The following GLRA2 variants were observed in gnomAD, a reference collection of about 807,000 sequenced individuals.
GLRA2 encodes the protein glycine receptor alpha 2, also known as glycine receptor subunit alpha-2.
Under a neutral mutation model 31.6 loss-of-function variants are expected in GLRA2, and 11 were observed. The ratio of observed to expected loss-of-function variants is 0.35; its 90% confidence interval spans 0.22 to 0.58. The LOEUF is 0.58. GLRA2 is among the 20% of genes least tolerant of loss of function. The pLI is 0.84. For synonymous variants in GLRA2, 132 were observed against 134.0 expected, an observed-to-expected ratio of 0.99 and a Z score of 0.10; for missense variants, 212 against 351.8, an observed-to-expected ratio of 0.60 and a Z score of 3.18.
chrX:14,515,382 G>A, the GLRA2 span, among the ~76,000 whole-genome samples: 1 of 111,594 alleles, frequency 9.0e-6, no homozygotes, highest in Non-Finnish European at 1.9e-5. Flanking sequence ...GAATTTCATT[G>A]GAATTCCTAA....
intron 5 of GLRA2, 62 bp from the exon 6 acceptor site, chrX:14,607,069 G>C: frequency 1.2e-6 from 1 of 841,563 alleles, no homozygotes; most frequent in Non-Finnish European, 1.7e-6. Flanking sequence ...CTTTACATGG[G>C]TAGACTTTCA....
chrX:14,534,112 C>T (rs2089292487), intron 2 of GLRA2, among the ~76,000 whole-genome samples: 1 of 110,684 alleles, frequency 9.0e-6, no homozygotes, highest in South Asian at 3.8e-4. Flanking sequence ...CCAATTTTTT[C>T]CTGGTTCTTC....
the GLRA2 span, among the ~76,000 whole-genome samples, chrX:14,476,600 A>G: frequency 9.0e-6 from 1 of 111,577 alleles, no homozygotes; most frequent in Admixed American, 9.6e-5. Flanking sequence ...TCTTCCTCCA[A>G]AGGTCTGCTA....
chrX:14,501,072 T>TTA, the GLRA2 span, among the ~76,000 whole-genome samples: 1 of 89,481 alleles, frequency 1.1e-5, no homozygotes, highest in Non-Finnish European at 2.2e-5. Context: ...GAAAAAGTAG[T>TTA]AAAAAAAAAA....
At chrX:14,686,714 C>A (rs1202261880) in intron 7 of GLRA2, among the ~76,000 whole-genome samples, 1 of 111,578 alleles carries the variant, frequency 9.0e-6, no homozygotes, top group Non-Finnish European at 1.9e-5. Flanking sequence ...TGTGTCTCTG[C>A]ATGTGAGATG....
chrX:14,603,731 C>A (rs1174082323), intron 4 of GLRA2, among the ~76,000 whole-genome samples: 1 of 111,643 alleles, frequency 9.0e-6, no homozygotes, highest in Non-Finnish European at 1.9e-5. Context: ...ATGGGTTTTT[C>A]TAGCTCAAGA....
At chrX:14,611,839 T>C (rs2090401078) in intron 7 of GLRA2, among the ~76,000 whole-genome samples, 1 of 111,926 alleles carries the variant, frequency 8.9e-6, no homozygotes, top group Admixed American at 9.5e-5. Flanking sequence ...TGTTCTCCCA[T>C]GTGAGGCCAT....
intron 3 of GLRA2, among the ~76,000 whole-genome samples, chrX:14,575,458 C>A (rs5935777): frequency 0.4 from 43,307 of 109,359 alleles, 7,894 homozygotes; most frequent in African/African-American, 0.7. Flanking sequence ...CCTCGGCCTA[C>A]CAAAGTGCTG....
At chrX:14,643,597 A>G (rs1316196645) in intron 7 of GLRA2, among the ~76,000 whole-genome samples, 1 of 112,041 alleles carries the variant, frequency 8.9e-6, no homozygotes, top group East Asian at 2.8e-4. Flanking sequence ...TGCCAGTGCT[A>G]TCATAAGAGT....
the GLRA2 span, among the ~76,000 whole-genome samples, chrX:14,471,705 TCC>T: frequency 8.9e-6 from 1 of 112,390 alleles, no homozygotes; most frequent in Non-Finnish European, 1.9e-5. Context: ...CCCAATTTTG[TCC>T]CATAGTCTAA....
At chrX:14,575,763 C>T (rs1046430686) in intron 3 of GLRA2, among the ~76,000 whole-genome samples, 5 of 111,669 alleles carry the variant, frequency 4.5e-5, no homozygotes, top group African/African-American at 1.6e-4. Context: ...ACCCAGGCTT[C>T]TACCAACACT....
intron 7 of GLRA2, among the ~76,000 whole-genome samples, chrX:14,619,833 G>A (rs1218004846): frequency 1.8e-5 from 2 of 110,541 alleles, no homozygotes; most frequent in Non-Finnish European, 1.9e-5. Context: ...TATCTGGCTT[G>A]CTCCCTTCAA....
At chrX:14,607,033 G>A (rs1374398315) in intron 5 of GLRA2, 98 bp from the exon 6 acceptor site, 5 of 576,952 alleles carry the variant, frequency 8.7e-6, no homozygotes, top group Non-Finnish European at 1.4e-5. Context: ...GCGTATGTCT[G>A]CTTTAGACAG....
chrX:14,664,396 A>G lies in GLRA2; in HGVS notation c.931-26314A>G, dbSNP rs1203752176. Among the ~76,000 whole-genome samples the G allele has an allele frequency of 2.7e-5, 3 of 112,162 alleles. No individual in the cohort carries two copies. In the Admixed American group the frequency reaches 2.8e-4, roughly 11 times the overall value. ...TTTATTGAGATTGTCTTTGCAGTCT[A>G]GTACATGGTTGATTTTTATGAATAT... On this transcript the variant is annotated intron_variant, in intron 7 of 8. Coordinates refer to ENST00000218075, the MANE Select transcript of GLRA2 (RefSeq NM_002063.4).
chrX:14,673,575 C>A (rs1215645852), intron 7 of GLRA2, among the ~76,000 whole-genome samples: 1 of 111,777 alleles, frequency 8.9e-6, no homozygotes, highest in African/African-American at 3.3e-5. Context: ...AAATCATAAA[C>A]CAACAAGCTC....
intron 8 of GLRA2, among the ~76,000 whole-genome samples, chrX:14,697,877 C>T (rs756006643): frequency 9.0e-6 from 1 of 111,561 alleles, no homozygotes. Context: ...GATATAAATC[C>T]GTTTTAACTA....
At chrX:14,628,726 C>T (rs2090614193) in intron 7 of GLRA2, among the ~76,000 whole-genome samples, 1 of 111,387 alleles carries the variant, frequency 9.0e-6, no homozygotes, top group Admixed American at 9.6e-5. Flanking sequence ...CAGTAAACTT[C>T]AGAGAATTAG....
At chrX:14,553,398 TTC>T (rs2089594411) in intron 2 of GLRA2, among the ~76,000 whole-genome samples, 1 of 111,864 alleles carries the variant, frequency 8.9e-6, no homozygotes, top group Admixed American at 9.5e-5. Flanking sequence ...TCCTTTCCCT[TTC>T]TCTTTTTCTC....
At chrX:14,726,246 CAATT>C (rs1422912035) in intron 8 of GLRA2, among the ~76,000 whole-genome samples, 1 of 111,746 alleles carries the variant, frequency 8.9e-6, no homozygotes, top group African/African-American at 3.3e-5. Context: ...GCTAGAAAGG[CAATT>C]AGTCATTTAT....
Sources: allele counts gnomAD v4.1 joint callset (sites outside exome capture counted in the v4.1 genomes callset), GRCh38; gene constraint gnomAD v4.1.1; transcripts MANE v1.5; gene names NCBI Gene and HGNC (gene_info 2026-07-23, HGNC 2026-07-21).